ARHGEF7: variants seen among roughly 807,000 people sequenced by gnomAD.
ARHGEF7 encodes PAK-interacting exchange factor beta.
In ARHGEF7, 33 loss-of-function variants were observed where a neutral mutation model predicts 109.8. The ratio of observed to expected loss-of-function variants is 0.30; its 90% CI spans 0.23 to 0.40. ARHGEF7 has a LOEUF of 0.40. Among genes scored for constraint, ARHGEF7 ranks in the 10% least tolerant of loss-of-function variants. The pLI is 1.00. For synonymous variants in ARHGEF7, 458 were observed against 424.6 expected (o/e 1.08, Z -0.97); for missense variants, 938 against 1,098.5 (o/e 0.85, Z 2.07).
At chr13:111,188,901 A>C (rs1313415391) in intron 2 of ARHGEF7, among the ~76,000 whole-genome samples, 3 of 152,208 alleles carry the variant, frequency 2.0e-5, no homozygotes, top group Non-Finnish European at 4.4e-5. Context: ...GAAATTATGA[A>C]ATATGGACAT....
At chr13:111,222,010 G>T (rs949637081) in intron 5 of ARHGEF7, among the ~76,000 whole-genome samples, 3 of 152,200 alleles carry the variant, frequency 2.0e-5, no homozygotes, top group Non-Finnish European at 2.9e-5. Context: ...GCCTTTTCAC[G>T]TTTTTCTGCC....
intron 8 of ARHGEF7, among the ~76,000 whole-genome samples, chr13:111,248,372 G>C (rs555795091): frequency 6.6e-6 from 1 of 151,972 alleles, no homozygotes; most frequent in Non-Finnish European, 1.5e-5. Flanking sequence ...TGATTATCTC[G>C]GGTGTGGTTT....
chr13:111,225,501 CTTGT>C (rs1041101413), intron 5 of ARHGEF7, among the ~76,000 whole-genome samples: 1 of 151,288 alleles, frequency 6.6e-6, no homozygotes, highest in African/African-American at 2.4e-5. Context: ...TTGCACTTTG[CTTGT>C]TTTTTTGTTT....
intron 2 of ARHGEF7, chr13:111,182,699 A>G (rs1171015713): frequency 6.6e-6 from 1 of 152,212 alleles, no homozygotes; most frequent in Non-Finnish European, 1.5e-5. Context: ...CTTGGACTAG[A>G]TGTTTAGAAA....
At chr13:111,275,042 CTTCA>C (rs1009773398) in intron 11 of ARHGEF7, among the ~76,000 whole-genome samples, 60 of 152,114 alleles carry the variant, frequency 3.9e-4, no homozygotes, top group African/African-American at 1.3e-3. Context: ...TTTTTTTACC[CTTCA>C]TTCATGTTGT....
chr13:111,202,424 A>G (rs1594662650), intron 2 of ARHGEF7, among the ~76,000 whole-genome samples: 1 of 152,312 alleles, frequency 6.6e-6, no homozygotes, highest in African/African-American at 2.4e-5. Context: ...AGGAGGTCTT[A>G]ACATGTAGCT....
At chr13:111,203,845 C>T (rs979163578) in intron 2 of ARHGEF7, among the ~76,000 whole-genome samples, 4 of 152,196 alleles carry the variant, frequency 2.6e-5, no homozygotes, top group Non-Finnish European at 5.9e-5. Context: ...CTTTTCTTAG[C>T]TTCTCTTGGC....
chr13:111,123,380 A>G (rs143389398), intron 1 of ARHGEF7, among the ~76,000 whole-genome samples: 2 of 152,294 alleles, frequency 1.3e-5, no homozygotes, highest in Non-Finnish European at 2.9e-5. Context: ...AGGGTCAGCA[A>G]GCTGCCTGCC....
chr13:111,219,720 G>C (rs780080734), intron 5 of ARHGEF7, among the ~76,000 whole-genome samples: 33 of 151,964 alleles, frequency 2.2e-4, no homozygotes, highest in Non-Finnish European at 7.4e-5. Flanking sequence ...TGTTAATAAT[G>C]ATAATTTAAA....
chr13:111,216,842 T>G (rs2083211491), intron 4 of ARHGEF7, among the ~76,000 whole-genome samples: 1 of 152,210 alleles, frequency 6.6e-6, no homozygotes, highest in Admixed American at 6.5e-5. Flanking sequence ...ATCTCCAGCC[T>G]CCAGAGCTCT....
intron 2 of ARHGEF7, among the ~76,000 whole-genome samples, chr13:111,183,343 CTT>C (rs59647451): frequency 6.9e-6 from 1 of 145,272 alleles, no homozygotes; most frequent in African/African-American, 2.5e-5. Flanking sequence ...GTATTGGCAC[CTT>C]TTTTTTTTTT....
intron 16 of ARHGEF7, among the ~76,000 whole-genome samples, chr13:111,283,785 A>G (rs1018151628): frequency 5.3e-5 from 8 of 152,204 alleles, no homozygotes; most frequent in Non-Finnish European, 1.2e-4. Flanking sequence ...TTTGTCATCC[A>G]GAAGCCATTT....
intron 17 of ARHGEF7, among the ~76,000 whole-genome samples, chr13:111,286,906 C>G (rs1282134296): frequency 1.3e-5 from 2 of 152,180 alleles, no homozygotes; most frequent in African/African-American, 4.8e-5. Flanking sequence ...GGAGAGAGAG[C>G]CAGCTCTGGG....
intron 19 of ARHGEF7, chr13:111,293,262 G>A: frequency 1.0e-6 from 1 of 985,272 alleles, no homozygotes; most frequent in Non-Finnish European, 1.2e-6. Flanking sequence ...CCCCACCCCT[G>A]ACATCCATAC....
intron 2 of ARHGEF7, among the ~76,000 whole-genome samples, chr13:111,158,191 A>C (rs1279082791): frequency 6.6e-6 from 1 of 152,226 alleles, no homozygotes; most frequent in Non-Finnish European, 1.5e-5. Context: ...ACATAATAGA[A>C]AAGGGTAATC....
At chr13:111,174,051 C>G (rs1015194964) in intron 2 of ARHGEF7, among the ~76,000 whole-genome samples, 1 of 152,164 alleles carries the variant, frequency 6.6e-6, no homozygotes, top group Non-Finnish European at 1.5e-5. Context: ...AGCCCTCCCC[C>G]TGTACTATTC....
At chr13:111,261,582 T>G (rs2153575770) in intron 8 of ARHGEF7, among the ~76,000 whole-genome samples, 1 of 152,356 alleles carries the variant, frequency 6.6e-6, no homozygotes, top group South Asian at 2.1e-4. Context: ...CACTTGACTT[T>G]ATCTGTACTT....
chr13:111,206,727 C>T (rs184084570), intron 3 of ARHGEF7, among the ~76,000 whole-genome samples: 2,870 of 151,896 alleles, frequency 0.019, 93 homozygotes, highest in African/African-American at 0.066. Context: ...TTTGGGAGGC[C>T]GAGGCGGGCG....
chr13:111,294,798 G>A, intron 19 of ARHGEF7: 3 of 985,820 alleles, frequency 3.0e-6, no homozygotes, highest in Non-Finnish European at 3.6e-6. Context: ...CTAATGAAAG[G>A]ATGAAGAGTC....
Sources: allele counts gnomAD v4.1 joint callset (sites outside exome capture counted in the v4.1 genomes callset), GRCh38; gene constraint gnomAD v4.1.1; transcripts MANE v1.5; gene names NCBI Gene and HGNC (gene_info 2026-07-23, HGNC 2026-07-21).